Variants in CACNA1C observed in about 807,000 individuals in gnomAD.
CACNA1C encodes the protein calcium voltage-gated channel subunit alpha1 C.
In CACNA1C, 30 loss-of-function variants were observed where a neutral mutation model predicts 229.0. The observed-to-expected ratio is 0.13, with a 90% CI of 0.10 to 0.18. The LOEUF is 0.18. Among genes scored for constraint, CACNA1C ranks in the 10% least tolerant of loss-of-function variants. CACNA1C has a pLI of 1.00. For synonymous variants in CACNA1C, 1,114 were observed against 1,132.5 expected (o/e 0.98, Z 0.33); for missense variants, 1,658 against 2,845.0 (o/e 0.58, Z 9.49).
chr12:2,666,803 TG>T lies in CACNA1C; in HGVS notation c.4623+24del, dbSNP rs1569145489. On this transcript the variant is annotated intron_variant, in intron 37 of 46. Coordinates refer to ENST00000399655, the MANE Select transcript of CACNA1C (RefSeq NM_000719.7). The surrounding 1 kb of genome is among the most constrained non-coding windows in gnomAD (Gnocchi z 5.3). ...GCAAAGTAAGAGATAACGGGGTTCA[TG>T]GGAGGGAGAGGGAAAATAGGGGAAG... The T allele has an allele frequency of 2.7e-6, 4 of 1,476,556 alleles. No individual in the cohort carries two copies. Among genetic ancestry groups the T allele is most frequent in the Non-Finnish European group, 2.8e-6 (3 of 1,068,998 alleles). The allele number at this position is 1,476,556 out of a possible 1,614,324, so 91.5% of individuals were successfully genotyped here.
chr12:2,694,803 A>T lies in CACNA1C; in HGVS notation c.*3604A>T, dbSNP rs1486963021. 1 of 152,182 alleles carries T rather than the reference A, an allele frequency of 6.6e-6. No individual in the cohort carries two copies. Among genetic ancestry groups the T allele is most frequent in the Non-Finnish European group, 1.5e-5 (1 of 68,040 alleles). 9.4% of individuals were successfully genotyped at this position (152,182 alleles called of 1,614,324 possible). ...GACACCTAGAAAATGAGGACTTTGG[A>T]AGTCACCCAAAAGATGGTGGCTACT... On this transcript the variant is annotated 3_prime_UTR_variant, in exon 47 of 47. Transcript: ENST00000399655.
chr12:2,596,850 A>G (rs574023312), intron 20 of CACNA1C, among the ~76,000 whole-genome samples: 4 of 151,678 alleles, frequency 2.6e-5, no homozygotes, highest in Non-Finnish European at 5.9e-5. Context: ...AAAAAGACAA[A>G]CCCCATTCTC....
intron 3 of CACNA1C, among the ~76,000 whole-genome samples, chr12:2,340,773 C>G (rs1017908073): frequency 1.1e-4 from 16 of 151,830 alleles, no homozygotes; most frequent in African/African-American, 3.9e-4. Context: ...CTGGTTAACA[C>G]GGTGAAACCC....
chr12:2,345,613 G>A (rs562814371), intron 3 of CACNA1C, among the ~76,000 whole-genome samples: 27 of 152,282 alleles, frequency 1.8e-4, no homozygotes, highest in East Asian at 5.8e-4. Context: ...AAAGTGGCAC[G>A]GCTGGACTGG....
chr12:2,633,936 C>T lies in CACNA1C; in HGVS notation c.3829-361C>T, dbSNP rs1359575102. ...TTTTTCCATTTACCTCAGCTCTGCCCGGCGCTGCCGGGCTGGGGCGTGGAG... is the reference window on the plus strand; with the variant it reads ...TTTTTCCATTTACCTCAGCTCTGCCTGGCGCTGCCGGGCTGGGGCGTGGAG... On this transcript the variant is annotated intron_variant, in intron 29 of 46. Coordinates refer to ENST00000399655, the MANE Select transcript of CACNA1C (RefSeq NM_000719.7). This position sits in a 1 kb window ranked among gnomAD's most constrained non-coding sequence, Gnocchi z 5.8. Among the ~76,000 whole-genome samples the T allele has an allele frequency of 1.3e-5, 2 of 152,194 alleles. No homozygotes were observed. Among genetic ancestry groups the T allele is most frequent in the Admixed American group, 6.5e-5 (1 of 15,292 alleles).
At chr12:2,091,830 T>C (rs1264308718) in intron 1 of CACNA1C, among the ~76,000 whole-genome samples, 1 of 152,208 alleles carries the variant, frequency 6.6e-6, no homozygotes, top group Non-Finnish European at 1.5e-5. Context: ...ACTTAAACTT[T>C]ACCCTGGGTT....
chr12:2,465,564 A>G (rs1214479504), intron 5 of CACNA1C, among the ~76,000 whole-genome samples: 3 of 152,154 alleles, frequency 2.0e-5, no homozygotes, highest in African/African-American at 7.2e-5. Context: ...AAAAGGAAGT[A>G]TGGGTCGTGA....
chr12:2,186,010 C>G (rs57920468), intron 3 of CACNA1C, among the ~76,000 whole-genome samples: 4,764 of 152,256 alleles, frequency 0.031, 246 homozygotes, highest in African/African-American at 0.11. Flanking sequence ...CCTGGCCGCT[C>G]TCTGGCTCCT....
chr12:2,676,721 C>G, intron 39 of CACNA1C: 1 of 175,464 alleles, frequency 5.7e-6, no homozygotes, highest in Non-Finnish European at 1.2e-5. Context: ...TCAAATGTAT[C>G]AGTTCAGTTA....
intron 3 of CACNA1C, among the ~76,000 whole-genome samples, chr12:2,339,166 G>A (rs971217259): frequency 2.6e-5 from 4 of 152,230 alleles, no homozygotes; most frequent in East Asian, 1.9e-4. Context: ...GCTATATGGC[G>A]TAGCCCATCG....
intron 10 of CACNA1C, among the ~76,000 whole-genome samples, chr12:2,552,968 G>A (rs922970077): frequency 6.6e-6 from 1 of 151,338 alleles, no homozygotes; most frequent in African/African-American, 2.4e-5. Context: ...AGCTGTAGGG[G>A]AAGCAAGTGC....
chr12:2,289,843 CAA>C (rs2154449626), intron 3 of CACNA1C, among the ~76,000 whole-genome samples: 1 of 152,292 alleles, frequency 6.6e-6, no homozygotes, highest in African/African-American at 2.4e-5. Flanking sequence ...TCACTTAGCT[CAA>C]GTTACCCTTC....
At position 2,504,288 on chromosome 12, in the gene CACNA1C, C is replaced by T. The variant is rs992772919; in HGVS notation, c.1114-554C>T. On this transcript the variant is annotated intron_variant, in intron 7 of 46. Coordinates refer to ENST00000399655, the MANE Select transcript of CACNA1C (RefSeq NM_000719.7). This position sits in a 1 kb window ranked among gnomAD's most constrained non-coding sequence, Gnocchi z 6.8. ...GAGTTCCTTTGAACATGGGCGATGCCCTGGGTAACACGGGTAACCTGGTGC... is the reference window on the plus strand; with the variant it reads ...GAGTTCCTTTGAACATGGGCGATGCTCTGGGTAACACGGGTAACCTGGTGC... 1.3e-5 allele frequency: 8 copies of T among 598,188 alleles called. No individual in the cohort carries two copies. The highest frequency in any genetic ancestry group is 2.1e-5 in the Non-Finnish European group (7 of 329,912). 37.1% of individuals were successfully genotyped at this position (598,188 alleles called of 1,614,324 possible).
intron 3 of CACNA1C, among the ~76,000 whole-genome samples, chr12:2,256,774 A>C (rs2078059448): frequency 6.6e-6 from 1 of 152,174 alleles, no homozygotes; most frequent in Admixed American, 6.5e-5. Flanking sequence ...ATCCTGGAAA[A>C]ATTCAGGAGA....
intron 3 of CACNA1C, among the ~76,000 whole-genome samples, chr12:2,427,245 G>T (rs940770143): frequency 3.9e-5 from 6 of 152,238 alleles, no homozygotes; most frequent in Admixed American, 3.3e-4. Flanking sequence ...AGGGTGCATT[G>T]TGTACATGCC....
At chr12:2,266,161 C>T (rs1184662371) in intron 3 of CACNA1C, among the ~76,000 whole-genome samples, 1 of 152,210 alleles carries the variant, frequency 6.6e-6, no homozygotes, top group African/African-American at 2.4e-5. Flanking sequence ...ATTCTCCCTG[C>T]CCCAAAGCCC....
At chr12:2,242,633 A>G (rs568739134) in intron 3 of CACNA1C, among the ~76,000 whole-genome samples, 73 of 152,316 alleles carry the variant, frequency 4.8e-4, no homozygotes, top group African/African-American at 1.7e-3. Flanking sequence ...TTGAGGCCCA[A>G]CCGGATTCTT....
At chr12:2,184,676 T>C (rs1179472366) in intron 3 of CACNA1C, among the ~76,000 whole-genome samples, 2 of 152,196 alleles carry the variant, frequency 1.3e-5, no homozygotes, top group African/African-American at 4.8e-5. Context: ...TCTAGGCATG[T>C]CATGGGCTCT....
At chr12:2,648,140 A>G (rs764291534) in intron 30 of CACNA1C, among the ~76,000 whole-genome samples, 1 of 152,154 alleles carries the variant, frequency 6.6e-6, no homozygotes, top group Non-Finnish European at 1.5e-5. Flanking sequence ...CCCTGTCTCT[A>G]AAACCAAACC....
Sources: allele counts gnomAD v4.1 joint callset (sites outside exome capture counted in the v4.1 genomes callset), GRCh38; gene constraint gnomAD v4.1.1; non-coding constraint Gnocchi (gnomAD v3.1); transcripts MANE v1.5; gene names NCBI Gene and HGNC (gene_info 2026-07-23, HGNC 2026-07-21).